The following FBXO11 variants were observed in gnomAD, a reference collection of about 807,000 sequenced individuals.
The protein encoded by FBXO11 is F-box protein 11, also known as F-box only protein 11.
A neutral mutation model predicts 117.0 loss-of-function variants in FBXO11; 13 were observed. That is an observed-to-expected ratio of 0.11 (90% CI 0.07 to 0.18). The LOEUF (loss-of-function observed/expected upper bound fraction) is 0.18. FBXO11 is among the 10% of genes least tolerant of loss of function. FBXO11 has a pLI of 1.00. For synonymous variants in FBXO11, 490 were observed against 380.5 expected, an observed-to-expected ratio of 1.29 and a Z score of -3.35; for missense variants, 767 against 1,164.4, an observed-to-expected ratio of 0.66 and a Z score of 4.97.
At chr2:47,883,131 T>C (rs1474041619) in intron 1 of FBXO11, among the ~76,000 whole-genome samples, 1 of 152,218 alleles carries the variant, frequency 6.6e-6, no homozygotes, top group African/African-American at 2.4e-5. Flanking sequence ...ACAATTTTCA[T>C]CTGTTCTGTA....
intron 13 of FBXO11, 57 bp from the exon 14 acceptor site, chr2:47,820,513 G>A (rs1572779469): frequency 2.2e-6 from 3 of 1,340,254 alleles, no homozygotes; most frequent in East Asian, 2.3e-5. Flanking sequence ...AATACAGTAA[G>A]GATTTTACAT....
intron 17 of FBXO11, 144 bp downstream of exon 17, chr2:47,813,647 G>A (rs1670792149): frequency 1.6e-6 from 1 of 631,956 alleles, no homozygotes; most frequent in African/African-American, 1.9e-5. Context: ...TGGCCAGGCT[G>A]GTCTTAAACT....
At position 47,905,567 on chromosome 2, in the gene FBXO11, GCTGCT is replaced by G; in HGVS notation, c.149_153del (p.Gln50ProfsTer28). On this transcript the variant is annotated frameshift_variant, in exon 1 of 23. Coordinates refer to ENST00000403359, the MANE Select transcript of FBXO11 (RefSeq NM_001190274.2). LOFTEE classifies it high-confidence loss of function. ...GGCGGCGGAGGCTGCTGCTGCTGCT[GCTGCT>G]GCGGCGGCGGCGGAGGCTGCTGCTG... The G allele has an allele frequency of 8.0e-7, 1 of 1,256,106 alleles. No individual in the cohort carries two copies. Among genetic ancestry groups the G allele is most frequent in the South Asian group, 3.3e-5 (1 of 29,936 alleles). 77.8% of individuals were successfully genotyped at this position (1,256,106 alleles called of 1,614,324 possible). A position where few individuals can be genotyped will look rare whatever the true frequency, so the allele number is the denominator to read the frequency against.
chr2:47,900,594 A>G (rs1678049936), intron 1 of FBXO11, among the ~76,000 whole-genome samples: 2 of 127,352 alleles, frequency 1.6e-5, no homozygotes, highest in Non-Finnish European at 3.6e-5. Flanking sequence ...ATATACGTAT[A>G]TACACACGTA....
Position 47,809,658 on chromosome 2 carries a change from A to T in FBXO11, c.2388T>A (p.Ile796=). The change falls in exon 20 of 23, where the codon ATT becomes ATA. Residue 796 remains isoleucine (I), a synonymous_variant. Transcript: ENST00000403359. ...HATATLEGNQ[I]FNNRFGGLFL... is the part of the protein sequence containing the mutation. ...ATAAGCCTCCAAACCGGTTGTTAAA[A>T]ATCTGATTGCCTTCTAGTGTTGCAG... is the stretch of plus-strand genomic sequence containing the variant. 1 of 1,613,636 alleles carries T rather than the reference A, an allele frequency of 6.2e-7. No homozygotes were observed. The highest frequency in any genetic ancestry group is 8.5e-7 in the Non-Finnish European group (1 of 1,179,856).
At chr2:47,873,624 G>A (rs139863581) in intron 1 of FBXO11, among the ~76,000 whole-genome samples, 2 of 152,096 alleles carry the variant, frequency 1.3e-5, no homozygotes, top group African/African-American at 4.8e-5. Flanking sequence ...GGCATGATTT[G>A]GCTTATTTCT....
chr2:47,817,177 T>G (rs900665291), intron 16 of FBXO11, among the ~76,000 whole-genome samples: 1 of 152,238 alleles, frequency 6.6e-6, no homozygotes, highest in Admixed American at 6.5e-5. Context: ...CACCTTGCAC[T>G]TAGCTTTTTT....
chr2:47,895,436 A>G (rs987001164), intron 1 of FBXO11, among the ~76,000 whole-genome samples: 3 of 152,228 alleles, frequency 2.0e-5, no homozygotes, highest in South Asian at 4.1e-4. Context: ...ACATTTACAT[A>G]AAGTTAAGAA....
chr2:47,847,183 T>G (rs1424447632), intron 1 of FBXO11, among the ~76,000 whole-genome samples: 1 of 152,022 alleles, frequency 6.6e-6, no homozygotes, highest in Non-Finnish European at 1.5e-5. Context: ...AGGTGTAGAC[T>G]GCAGTGAGCC....
intron 1 of FBXO11, among the ~76,000 whole-genome samples, chr2:47,900,681 TATACAC>T (rs1678113955): frequency 1.1e-5 from 1 of 92,204 alleles, no homozygotes; most frequent in African/African-American, 4.7e-5. Context: ...TATACACACG[TATACAC>T]ACACGTATAC....
intron 1 of FBXO11, 125 bp downstream of exon 1, chr2:47,905,364 T>G: frequency 2.1e-6 from 2 of 974,598 alleles, no homozygotes; most frequent in East Asian, 5.3e-5. Flanking sequence ...CCGCCTCCGC[T>G]CAGCTTGGGT....
intron 1 of FBXO11, among the ~76,000 whole-genome samples, chr2:47,899,134 CGTG>C (rs1677904085): frequency 6.6e-6 from 1 of 151,736 alleles, no homozygotes; most frequent in Non-Finnish European, 1.5e-5. Context: ...ATTAGCCGGG[CGTG>C]GTGGTGGGCA....
At position 47,900,836 on chromosome 2, in the gene FBXO11, ACACACACGTG is replaced by A. The variant is rs1678164809; in HGVS notation, c.232+4643_232+4652del. The stretch of plus-strand genomic sequence containing the variant: ...CACACGTGTATATATATACACGTAT[ACACACACGTG>A]TATATATATACACGTATACACACAC... On this transcript the variant is annotated intron_variant, in intron 1 of 22. Coordinates refer to ENST00000403359, the MANE Select transcript of FBXO11 (RefSeq NM_001190274.2). Among the ~76,000 whole-genome samples the A allele has an allele frequency of 1.4e-4, 3 of 21,006 alleles. 1 individual carries two copies. The highest frequency in any genetic ancestry group is 2.0e-3 in the South Asian group (1 of 504). The allele number at this position is 21,006 out of a possible 152,430, so 13.8% of individuals were successfully genotyped here.
intron 1 of FBXO11, chr2:47,883,742 A>G (rs1199006666): frequency 1.1e-5 from 3 of 267,468 alleles, no homozygotes; most frequent in Admixed American, 4.0e-5. Flanking sequence ...AAGAAGGTTA[A>G]GTTGGCTGTC....
intron 4 of FBXO11, among the ~76,000 whole-genome samples, chr2:47,837,763 G>A (rs1051229262): frequency 3.9e-5 from 6 of 151,912 alleles, no homozygotes; most frequent in East Asian, 1.9e-4. Flanking sequence ...CAGGGTCTCC[G>A]TCTGCCGCCC....
chr2:47,904,087 C>T (rs986850283), intron 1 of FBXO11, among the ~76,000 whole-genome samples: 1 of 152,202 alleles, frequency 6.6e-6, no homozygotes, highest in South Asian at 2.1e-4. Flanking sequence ...CGATTAACAT[C>T]TCCCTCCTTC....
intron 16 of FBXO11, among the ~76,000 whole-genome samples, chr2:47,815,863 G>C (rs930209551): frequency 5.3e-5 from 8 of 152,186 alleles, no homozygotes; most frequent in African/African-American, 1.9e-4. Flanking sequence ...GCTCAGCAGG[G>C]ATGTGTTTTA....
chr2:47,818,490 T>G (rs1354454856), intron 16 of FBXO11: 1 of 288,648 alleles, frequency 3.5e-6, no homozygotes, highest in Non-Finnish European at 6.4e-6. Context: ...TAACACAGAC[T>G]TCCACTCTCC....
At chr2:47,860,348 T>C (rs1327913350) in intron 1 of FBXO11, among the ~76,000 whole-genome samples, 1 of 151,964 alleles carries the variant, frequency 6.6e-6, no homozygotes, top group African/African-American at 2.4e-5. Context: ...AGCTAATAAA[T>C]TTAAACAACA....
Sources: allele counts gnomAD v4.1 joint callset (sites outside exome capture counted in the v4.1 genomes callset), GRCh38; gene constraint gnomAD v4.1.1; transcripts MANE v1.5; gene names NCBI Gene and HGNC (gene_info 2026-07-23, HGNC 2026-07-21).